Variants in NKD1 observed in about 807,000 individuals in gnomAD.
NKD1 encodes NKD inhibitor of Wnt signaling pathway 1, also known as protein naked cuticle homolog 1.
In NKD1, 21 loss-of-function variants were observed where a neutral mutation model predicts 56.0. That is an observed-to-expected ratio of 0.38 (90% CI 0.27 to 0.54). The LOEUF (loss-of-function observed/expected upper bound fraction) is 0.54, where lower values mean the gene tolerates loss of function less well. NKD1 is among the 20% of genes least tolerant of loss of function. NKD1 has a pLI of 0.82. For synonymous variants in NKD1, 263 were observed against 265.7 expected, an observed-to-expected ratio of 0.99 and a Z score of 0.10; for missense variants, 578 against 642.7, an observed-to-expected ratio of 0.90 and a Z score of 1.09.
intron 2 of NKD1, 106 bp downstream of exon 2, chr16:50,548,855 C>A: frequency 8.1e-7 from 1 of 1,230,076 alleles, no homozygotes; most frequent in Non-Finnish European, 1.0e-6. Flanking sequence ...CACCCCGAAG[C>A]CCCAGTTCCG....
At chr16:50,595,620 C>T (rs964542484) in intron 3 of NKD1, among the ~76,000 whole-genome samples, 2 of 152,194 alleles carry the variant, frequency 1.3e-5, no homozygotes, top group African/African-American at 4.8e-5. Flanking sequence ...CTCTAAGTCT[C>T]CCCATCTGTA....
intron 4 of NKD1, among the ~76,000 whole-genome samples, chr16:50,615,722 T>C (rs934881814): frequency 6.6e-6 from 1 of 152,164 alleles, no homozygotes; most frequent in African/African-American, 2.4e-5. Flanking sequence ...CAGTTTTGGT[T>C]TTTAAGCTCA....
chr16:50,549,195 A>G (rs1369742344), intron 2 of NKD1, among the ~76,000 whole-genome samples: 1 of 150,640 alleles, frequency 6.6e-6, no homozygotes, highest in Non-Finnish European at 1.5e-5. Context: ...CTCCTGGGGT[A>G]CTGCTCACCC....
chr16:50,642,061 CT>C lies in NKD1; in HGVS notation c.*8283del, dbSNP rs1271420921. On this transcript the variant is annotated 3_prime_UTR_variant, in exon 10 of 10. Coordinates refer to ENST00000268459, the MANE Select transcript of NKD1 (RefSeq NM_033119.5). ...GCCCGCTTGGCTTCAGCTCCAGGGA[CT>C]TTGGAGATTTAAGCAAAGCAAGAAA... 2.8e-4 allele frequency: 42 copies of C among 152,338 alleles called. No homozygotes were observed. Among genetic ancestry groups the C allele is most frequent in the Admixed American group, 2.3e-3 (35 of 15,306 alleles). The allele number at this position is 152,338 out of a possible 1,614,324, so 9.4% of individuals were successfully genotyped here.
Position 50,638,194 on chromosome 16 carries a change from C to T in NKD1, c.*4413C>T, listed in dbSNP as rs1435740345. On this transcript the variant is annotated 3_prime_UTR_variant, in exon 10 of 10. Coordinates refer to ENST00000268459, the MANE Select transcript of NKD1 (RefSeq NM_033119.5). ...TCAGATGCCAGCACTAATAACCTGG[C>T]TTCTGTGAGGCCTGTCAGTGCTCTC... 1 of 152,156 alleles carries T rather than the reference C, an allele frequency of 6.6e-6. No homozygotes were observed. Among genetic ancestry groups the T allele is most frequent in the African/African-American group, 2.4e-5 (1 of 41,416 alleles). The allele number at this position is 152,156 out of a possible 1,614,324, so 9.4% of individuals were successfully genotyped here. A position where few individuals can be genotyped will look rare whatever the true frequency, so the allele number is the denominator to read the frequency against.
In NKD1 at chr16:50,583,225, A is replaced by G. The variant is rs566152937; in HGVS notation, c.193-25069A>G. The stretch of plus-strand genomic sequence containing the variant: ...ACAGAGGCAGTGGGAGGGATGTGTA[A>G]GAAAGCCTGGCAGCTTTTGCTTTTG... On this transcript the variant is annotated intron_variant, in intron 3 of 9. Transcript: ENST00000268459. 2.0e-5 allele frequency among the ~76,000 whole-genome samples: 3 copies of G among 152,276 alleles called. No individual in the cohort carries two copies. The East Asian group carries it at 5.8e-4, about 29-fold the overall frequency.
intron 3 of NKD1, among the ~76,000 whole-genome samples, chr16:50,588,465 C>T (rs1012552640): frequency 6.6e-6 from 1 of 152,192 alleles, no homozygotes; most frequent in African/African-American, 2.4e-5. Context: ...GAGATCTGTT[C>T]TTGGCTGAAA....
At chr16:50,597,867 G>C (rs917362062) in intron 3 of NKD1, among the ~76,000 whole-genome samples, 8 of 152,178 alleles carry the variant, frequency 5.3e-5, no homozygotes, top group Non-Finnish European at 8.8e-5. Context: ...AGAATGAACC[G>C]AGTCCTCTGG....
intron 3 of NKD1, among the ~76,000 whole-genome samples, chr16:50,554,364 A>G (rs1960454577): frequency 6.6e-6 from 1 of 152,146 alleles, no homozygotes; most frequent in Non-Finnish European, 1.5e-5. Flanking sequence ...ACACTCTGGG[A>G]TCAAACTGTC....
intron 3 of NKD1, chr16:50,573,823 C>T (rs552249809): frequency 1.0e-4 from 100 of 985,306 alleles, no homozygotes; most frequent in Middle Eastern, 5.2e-4. Flanking sequence ...CTCACGGAAA[C>T]GGGTTGGGCT....
In NKD1 at chr16:50,636,726, A is replaced by G. The variant is rs748274172; in HGVS notation, c.*2945A>G. 2 of 152,210 alleles carry G rather than the reference A, an allele frequency of 1.3e-5. No individual in the cohort carries two copies. The highest frequency in any genetic ancestry group is 2.9e-5 in the Non-Finnish European group (2 of 68,036). 9.4% of individuals were successfully genotyped at this position (152,210 alleles called of 1,614,324 possible). On this transcript the variant is annotated 3_prime_UTR_variant, in exon 10 of 10. Transcript: ENST00000268459. ...TTTACCAGAATAAATGCATTTCTATATCTTCCCATATGCATTTTGTTAATT... is the reference window on the plus strand; with the variant it reads ...TTTACCAGAATAAATGCATTTCTATGTCTTCCCATATGCATTTTGTTAATT...
intron 3 of NKD1, among the ~76,000 whole-genome samples, chr16:50,605,042 G>A (rs1170766497): frequency 6.6e-6 from 1 of 152,222 alleles, no homozygotes; most frequent in Non-Finnish European, 1.5e-5. Context: ...ATGCCCACAG[G>A]AGCCCTGGTT....
chr16:50,561,007 G>A (rs1244994495), intron 3 of NKD1, among the ~76,000 whole-genome samples: 1 of 152,158 alleles, frequency 6.6e-6, no homozygotes. Context: ...CTAGCAGTGT[G>A]ACCTAGGGCA....
At chr16:50,549,348 CCTT>C (rs1960321155) in intron 2 of NKD1, 71 bp from the exon 3 acceptor site, 2 of 1,561,780 alleles carry the variant, frequency 1.3e-6, no homozygotes, top group African/African-American at 1.4e-5. Context: ...CACCGCGCCT[CCTT>C]CTTCCCTCCG....
At chr16:50,573,601 G>A (rs896165742) in intron 3 of NKD1, among the ~76,000 whole-genome samples, 10 of 152,224 alleles carry the variant, frequency 6.6e-5, no homozygotes, top group Non-Finnish European at 1.5e-4. Context: ...CACCCTGACA[G>A]CCCTTTAGAA....
chr16:50,570,625 T>C (rs566310266), intron 3 of NKD1, among the ~76,000 whole-genome samples: 1 of 152,336 alleles, frequency 6.6e-6, no homozygotes, highest in Admixed American at 6.5e-5. Flanking sequence ...AGCTGTCATG[T>C]AGATCAGATG....
intron 3 of NKD1, among the ~76,000 whole-genome samples, chr16:50,560,115 C>G (rs1960591044): frequency 6.6e-6 from 1 of 152,168 alleles, no homozygotes; most frequent in Non-Finnish European, 1.5e-5. Flanking sequence ...CCTTCTTTCC[C>G]CCTTCAAAGG....
chr16:50,625,172 T>C (rs764726488), intron 5 of NKD1: 13 of 405,314 alleles, frequency 3.2e-5, no homozygotes, highest in Non-Finnish European at 4.5e-5. Context: ...TTGCCCTTGG[T>C]CCAAGTTCAG....
chr16:50,561,889 A>C (rs1960642399), intron 3 of NKD1, among the ~76,000 whole-genome samples: 1 of 152,190 alleles, frequency 6.6e-6, no homozygotes, highest in Non-Finnish European at 1.5e-5. Context: ...GAGTGGAGTT[A>C]TAGAAAAGGA....
Sources: allele counts gnomAD v4.1 joint callset (sites outside exome capture counted in the v4.1 genomes callset), GRCh38; gene constraint gnomAD v4.1.1; transcripts MANE v1.5; gene names NCBI Gene and HGNC (gene_info 2026-07-23, HGNC 2026-07-21).